Variants in PCED1B observed in about 807,000 individuals in gnomAD.
PCED1B encodes the protein PC-esterase domain containing 1B.
For missense variants in PCED1B, 573 were observed against 573.9 expected, an observed-to-expected ratio of 1.00 and a Z score of 0.02; for synonymous variants, 251 against 246.1, an observed-to-expected ratio of 1.02 and a Z score of -0.19.
chr12:47,173,845 G>A (rs1216672167), intron 2 of PCED1B, among the ~76,000 whole-genome samples: 1 of 152,182 alleles, frequency 6.6e-6, no homozygotes, highest in African/African-American at 2.4e-5. Flanking sequence ...TTTCTCAGGT[G>A]TTTCATATGT....
chr12:47,159,456 A>T (rs1405593937), intron 2 of PCED1B, among the ~76,000 whole-genome samples: 1 of 152,018 alleles, frequency 6.6e-6, no homozygotes, highest in South Asian at 2.1e-4. Context: ...GGATGAGATG[A>T]TATCTCATTG....
intron 2 of PCED1B, among the ~76,000 whole-genome samples, chr12:47,215,453 C>T (rs953071321): frequency 1.3e-5 from 2 of 151,942 alleles, no homozygotes; most frequent in African/African-American, 4.8e-5. Context: ...GGAGTTGCAC[C>T]ATGTTGGCCA....
At chr12:47,220,010 C>T (rs1434930525) in intron 3 of PCED1B, among the ~76,000 whole-genome samples, 1 of 146,236 alleles carries the variant, frequency 6.8e-6, no homozygotes, top group Admixed American at 7.1e-5. Context: ...GAGGTTGAAG[C>T]TGCAGTGAGC....
Position 47,173,547 on chromosome 12 carries a change from C to T in PCED1B, c.-525-42675C>T, listed in dbSNP as rs759269169. On this transcript the variant is annotated intron_variant, in intron 2 of 3. Transcript: ENST00000546455. Reference sequence around the variant, plus strand: ...GATTACAGGTGTGAGCCACCATGCCCGGCCTGTTAGCTCCTTAATTCTGTA... The same window carrying T: ...GATTACAGGTGTGAGCCACCATGCCTGGCCTGTTAGCTCCTTAATTCTGTA... Among the ~76,000 whole-genome samples the T allele has an allele frequency of 1.6e-4, 25 of 152,014 alleles. 1 individual carries two copies. Among genetic ancestry groups the T allele is most frequent in the South Asian group, 1.4e-3 (7 of 4,828 alleles).
rs192282289 is a variant in PCED1B, at chr12:47,191,150, T to C, written c.-525-25072T>C. Among the ~76,000 whole-genome samples, 107 of 152,298 alleles carry C rather than the reference T, an allele frequency of 7.0e-4. 4 individuals carry two copies. The highest frequency in any genetic ancestry group is 6.4e-3 in the East Asian group (33 of 5,174). ...AAGAAGTAAAATGAACATCTTACGA[T>C]TTTTATAATATAGGCTTGGTGACAT... On this transcript the variant is annotated intron_variant, in intron 2 of 3. Coordinates refer to ENST00000546455, the MANE Select transcript of PCED1B (RefSeq NM_138371.3).
chr12:47,144,537 G>A (rs890151066), intron 2 of PCED1B, among the ~76,000 whole-genome samples: 1 of 151,924 alleles, frequency 6.6e-6, no homozygotes, highest in Non-Finnish European at 1.5e-5. Flanking sequence ...CTCCTTTATA[G>A]TCATACATTG....
intron 2 of PCED1B, among the ~76,000 whole-genome samples, chr12:47,124,137 A>T (rs987668020): frequency 2.0e-5 from 3 of 152,006 alleles, no homozygotes; most frequent in Admixed American, 6.6e-5. Context: ...AACATATCTA[A>T]CATCCCAAAA....
At chr12:47,150,799 G>A (rs975490353) in intron 2 of PCED1B, among the ~76,000 whole-genome samples, 1 of 152,038 alleles carries the variant, frequency 6.6e-6, no homozygotes, top group Non-Finnish European at 1.5e-5. Flanking sequence ...GCAAGAGTCT[G>A]GTAAGGAGAT....
Position 47,094,825 on chromosome 12 carries a change from C to T in PCED1B, c.-608-9288C>T, listed in dbSNP as rs1189840915. Among the ~76,000 whole-genome samples the T allele has an allele frequency of 1.4e-4, 22 of 152,092 alleles. 1 individual carries two copies. The highest frequency in any genetic ancestry group is 5.1e-4 in the African/African-American group (21 of 41,538). On this transcript the variant is annotated intron_variant, in intron 1 of 3. Transcript: ENST00000546455. ...ACTTACAAATATCCATGTTTACCCTCACCAGTGTTTTTTATTCCTTCCTTC... is the reference window on the plus strand; with the variant it reads ...ACTTACAAATATCCATGTTTACCCTTACCAGTGTTTTTTATTCCTTCCTTC...
intron 1 of PCED1B, among the ~76,000 whole-genome samples, chr12:47,086,376 A>G (rs1471650623): frequency 6.6e-6 from 1 of 151,182 alleles, no homozygotes; most frequent in Admixed American, 6.6e-5. Context: ...AAAAAAAAAA[A>G]AAAAAAAGGA....
intron 2 of PCED1B, among the ~76,000 whole-genome samples, chr12:47,184,564 A>C (rs1382290242): frequency 6.6e-6 from 1 of 152,068 alleles, no homozygotes; most frequent in Non-Finnish European, 1.5e-5. Context: ...TAAGTAAAAG[A>C]ATTTTTAAAA....
intron 1 of PCED1B, among the ~76,000 whole-genome samples, chr12:47,089,660 A>G (rs1017787441): frequency 4.6e-5 from 7 of 151,764 alleles, no homozygotes; most frequent in African/African-American, 1.7e-4. Flanking sequence ...GCTATTGTGC[A>G]TGACAAATCC....
chr12:47,116,539 A>G (rs994153627), intron 2 of PCED1B, among the ~76,000 whole-genome samples: 10 of 152,220 alleles, frequency 6.6e-5, no homozygotes, highest in Admixed American at 5.9e-4. Context: ...TAAGAAAATG[A>G]GTCTTTGTCA....
chr12:47,109,418 G>A (rs1000380103), intron 2 of PCED1B, among the ~76,000 whole-genome samples: 1 of 151,550 alleles, frequency 6.6e-6, no homozygotes, highest in African/African-American at 2.4e-5. Context: ...CACAGGCAAA[G>A]CCATCCCTCT....
chr12:47,227,663 G>A (rs1943674303), intron 3 of PCED1B, among the ~76,000 whole-genome samples: 1 of 151,914 alleles, frequency 6.6e-6, no homozygotes, highest in Admixed American at 6.6e-5. Context: ...AGACCAGCCT[G>A]GCCAACATGG....
At chr12:47,095,252 C>T (rs1350476752) in intron 1 of PCED1B, among the ~76,000 whole-genome samples, 1 of 152,056 alleles carries the variant, frequency 6.6e-6, no homozygotes, top group African/African-American at 2.4e-5. Flanking sequence ...TCTTTAAGCT[C>T]TTAAAGTTGA....
chr12:47,175,678 A>G (rs1453414055), intron 2 of PCED1B, among the ~76,000 whole-genome samples: 1 of 151,868 alleles, frequency 6.6e-6, no homozygotes, highest in Non-Finnish European at 1.5e-5. Flanking sequence ...GGTTTAAGCA[A>G]TTCTCCTGCC....
intron 2 of PCED1B, among the ~76,000 whole-genome samples, chr12:47,192,162 T>G: frequency 7.5e-6 from 1 of 134,154 alleles, no homozygotes; most frequent in Non-Finnish European, 1.6e-5. Context: ...GAGGCTACGC[T>G]TTTTTTTTTT....
intron 2 of PCED1B, among the ~76,000 whole-genome samples, chr12:47,207,768 A>AT (rs1437873065): frequency 1.3e-5 from 2 of 152,190 alleles, no homozygotes; most frequent in African/African-American, 4.8e-5. Context: ...ACTATAATCT[A>AT]TTATTCTTAA....
Sources: gnomAD v4.1 joint callset for allele counts (sites outside exome capture counted in the v4.1 genomes callset) on GRCh38, gnomAD v4.1.1 for gene constraint, MANE v1.5 for transcripts, NCBI Gene and HGNC (gene_info 2026-07-23, HGNC 2026-07-21) for gene names.